NUDCD3: variants seen among roughly 807,000 people sequenced by gnomAD.
NUDCD3 encodes NudC domain containing 3, also known as nudC domain-containing protein 3.
A neutral mutation model predicts 39.7 loss-of-function variants in NUDCD3; 13 were observed. The ratio of observed to expected loss-of-function variants is 0.33; its 90% CI spans 0.21 to 0.52. The LOEUF is 0.52. Among genes scored for constraint, NUDCD3 ranks in the 20% least tolerant of loss-of-function variants. NUDCD3 has a pLI of 0.96. For synonymous variants in NUDCD3, 175 were observed against 172.4 expected (o/e 1.02, Z -0.12); for missense variants, 453 against 458.1 (o/e 0.99, Z 0.10).
chr7:44,427,534 G>A lies in NUDCD3; in HGVS notation c.642+37C>T, dbSNP rs150416962. The A allele has an allele frequency of 5.9e-4, 945 of 1,597,180 alleles. 6 individuals carry two copies. The African/African-American group carries it at 0.011, about 19-fold the overall frequency. The stretch of plus-strand genomic sequence containing the variant: ...CCCTGCAACAGCTTTGACTGGCTTG[G>A]GTGAAGCCGCCCACCCCTACCCGCC... On this transcript the variant is annotated intron_variant, in intron 3 of 5. Coordinates refer to ENST00000355451, the MANE Select transcript of NUDCD3 (RefSeq NM_015332.4).
At chr7:44,456,036 A>AAAAAAAAAAAAAAAC (rs1799889656) in intron 2 of NUDCD3, among the ~76,000 whole-genome samples, 1 of 130,036 alleles carries the variant, frequency 7.7e-6, no homozygotes, top group African/African-American at 2.9e-5. Flanking sequence ...AAAAAAAAAA[A>AAAAAAAAAAAAAAAC]AAAAAAAAAA....
At chr7:44,425,101 A>G (rs986181941) in intron 3 of NUDCD3, among the ~76,000 whole-genome samples, 1 of 152,110 alleles carries the variant, frequency 6.6e-6, no homozygotes, top group Non-Finnish European at 1.5e-5. Flanking sequence ...ATGAAAACAC[A>G]TGGACACAGG....
intron 2 of NUDCD3, among the ~76,000 whole-genome samples, chr7:44,433,119 G>A (rs1350200253): frequency 6.6e-6 from 1 of 152,192 alleles, no homozygotes; most frequent in Non-Finnish European, 1.5e-5. Flanking sequence ...CATGAATCAG[G>A]AAGCAGGGCC....
intron 2 of NUDCD3, among the ~76,000 whole-genome samples, chr7:44,464,660 G>A (rs1268840809): frequency 6.6e-6 from 1 of 152,076 alleles, no homozygotes; most frequent in African/African-American, 2.4e-5. Flanking sequence ...CACCACATTG[G>A]CCAGGCTGGT....
chr7:44,467,831 A>G, intron 2 of NUDCD3: 1 of 970,190 alleles, frequency 1.0e-6, no homozygotes, highest in Non-Finnish European at 1.4e-6. Flanking sequence ...AAAAAAAAAA[A>G]GAAAAGAAAA....
rs1399910119 is a variant in NUDCD3 at position 44,379,933 on chromosome 7, G to A, written c.*6078C>T. On this transcript the variant is annotated 3_prime_UTR_variant, in exon 6 of 6. Transcript: ENST00000355451. ...CAGAGCTGGGTTAGTTTTAGCAGAG[G>A]TGTGAAGGTGATTCCTCTCTGAGCT... 1.3e-5 allele frequency: 2 copies of A among 152,512 alleles called. No homozygotes were observed. Among genetic ancestry groups the A allele is most frequent in the African/African-American group, 4.8e-5 (2 of 41,452 alleles). 9.4% of individuals were successfully genotyped at this position (152,512 alleles called of 1,614,324 possible).
At chr7:44,397,427 C>CCT (rs1798644609) in intron 4 of NUDCD3, among the ~76,000 whole-genome samples, 1 of 152,150 alleles carries the variant, frequency 6.6e-6, no homozygotes, top group Non-Finnish European at 1.5e-5. Context: ...CTGCTGCACC[C>CCT]CTACCAGTAG....
At chr7:44,480,979 G>C (rs926434425) in intron 2 of NUDCD3, among the ~76,000 whole-genome samples, 1 of 88,800 alleles carries the variant, frequency 1.1e-5, no homozygotes, top group Non-Finnish European at 2.4e-5. Flanking sequence ...CCAAAAATTT[G>C]AAAAAAAAAA....
chr7:44,446,704 C>G (rs1053129893), intron 2 of NUDCD3, among the ~76,000 whole-genome samples: 1 of 152,226 alleles, frequency 6.6e-6, no homozygotes, highest in South Asian at 2.1e-4. Context: ...TATCTCACTT[C>G]AAGCCATAAT....
chr7:44,427,766 G>A, intron 2 of NUDCD3, 63 bp from the exon 3 acceptor site: 2 of 1,558,024 alleles, frequency 1.3e-6, no homozygotes, highest in African/African-American at 2.7e-5. Flanking sequence ...CCCATGGGCA[G>A]CCTAGCCCAT....
intron 4 of NUDCD3, chr7:44,402,624 A>G (rs1321293575): frequency 2.2e-6 from 1 of 456,562 alleles, no homozygotes; most frequent in Admixed American, 2.3e-5. Context: ...CAACCGGACC[A>G]CACACGGGGT....
chr7:44,476,259 C>T (rs1800366598), intron 2 of NUDCD3, among the ~76,000 whole-genome samples: 1 of 152,184 alleles, frequency 6.6e-6, no homozygotes, highest in African/African-American at 2.4e-5. Context: ...TGACAGCCCA[C>T]CCGAGGGACA....
chr7:44,445,356 G>C (rs975973402), intron 2 of NUDCD3, among the ~76,000 whole-genome samples: 1 of 152,196 alleles, frequency 6.6e-6, no homozygotes, highest in African/African-American at 2.4e-5. Flanking sequence ...GCATGAATCA[G>C]GGTCTTGGCA....
intron 3 of NUDCD3, among the ~76,000 whole-genome samples, chr7:44,406,185 G>A (rs539396051): frequency 6.6e-6 from 1 of 152,344 alleles, no homozygotes; most frequent in East Asian, 1.9e-4. Flanking sequence ...GGGGGACACA[G>A]CGAAGATATT....
At chr7:44,489,331 A>T (rs547026284) in intron 1 of NUDCD3, among the ~76,000 whole-genome samples, 48 of 152,344 alleles carry the variant, frequency 3.2e-4, no homozygotes, top group African/African-American at 1.1e-3. Flanking sequence ...TAAGTTCTGA[A>T]ATTGAATCCT....
intron 2 of NUDCD3, among the ~76,000 whole-genome samples, chr7:44,463,465 C>T (rs1316861797): frequency 6.6e-6 from 1 of 152,146 alleles, no homozygotes; most frequent in African/African-American, 2.4e-5. Context: ...TCCAGACAGG[C>T]TAACAGGAAC....
At chr7:44,447,281 C>T (rs7782518) in intron 2 of NUDCD3, among the ~76,000 whole-genome samples, 20,593 of 152,200 alleles carry the variant, frequency 0.14, 1,732 homozygotes, top group Non-Finnish European at 0.19. Flanking sequence ...CTTTAAGTGA[C>T]GAGCCTGAGT....
At chr7:44,465,285 G>A (rs1037772338) in intron 2 of NUDCD3, among the ~76,000 whole-genome samples, 3 of 152,152 alleles carry the variant, frequency 2.0e-5, no homozygotes, top group Non-Finnish European at 2.9e-5. Context: ...CCAGAAATGA[G>A]GCTGAGAGAA....
At chr7:44,410,403 C>A (rs184134476) in intron 3 of NUDCD3, among the ~76,000 whole-genome samples, 1 of 152,356 alleles carries the variant, frequency 6.6e-6, no homozygotes, top group East Asian at 1.9e-4. Context: ...TGGCTCACGC[C>A]TGTAATCCCA....
Sources: gnomAD v4.1 joint callset for allele counts (sites outside exome capture counted in the v4.1 genomes callset) on GRCh38, gnomAD v4.1.1 for gene constraint, MANE v1.5 for transcripts, NCBI Gene and HGNC (gene_info 2026-07-23, HGNC 2026-07-21) for gene names.